EPHB2: variants seen among roughly 807,000 people sequenced by gnomAD.
EPHB2 encodes ephrin type-B receptor 2.
Under a neutral mutation model 96.4 loss-of-function variants are expected in EPHB2, and 18 were observed. The ratio of observed to expected loss-of-function variants is 0.19; its 90% confidence interval spans 0.13 to 0.28. The LOEUF (loss-of-function observed/expected upper bound fraction) is 0.28. Ranked by LOEUF, EPHB2 falls within the 10% of genes least tolerant of loss-of-function variation. EPHB2 has a pLI of 1.00. For missense variants in EPHB2, 989 were observed against 1,355.4 expected, an observed-to-expected ratio of 0.73 and a Z score of 4.25; for synonymous variants, 506 against 534.1, an observed-to-expected ratio of 0.95 and a Z score of 0.72.
intron 1 of EPHB2, among the ~76,000 whole-genome samples, chr1:22,778,887 G>A (rs1644489634): frequency 6.6e-6 from 1 of 152,224 alleles, no homozygotes; most frequent in South Asian, 2.1e-4. Flanking sequence ...GTACGATGAG[G>A]ATGTCAGTTC....
chr1:22,914,062 G>A lies in EPHB2; in HGVS notation c.*492G>A, dbSNP rs1002022322. Reference sequence around the variant, plus strand: ...TCTAGGCCTCACTCAACAACCAAGCGCCTGGAGGACGGGACAGATGGACAG... The same window carrying A: ...TCTAGGCCTCACTCAACAACCAAGCACCTGGAGGACGGGACAGATGGACAG... On this transcript the variant is annotated 3_prime_UTR_variant, in exon 16 of 16. Coordinates refer to ENST00000374630, the MANE Select transcript of EPHB2 (RefSeq NM_017449.5). The A allele has an allele frequency of 4.0e-5, 28 of 702,592 alleles. No individual in the cohort carries two copies. The highest frequency in any genetic ancestry group is 8.8e-5 in the South Asian group (4 of 45,666). The allele number at this position is 702,592 out of a possible 1,614,324, so 43.5% of individuals were successfully genotyped here.
chr1:22,778,853 C>T (rs1644489254), intron 1 of EPHB2, among the ~76,000 whole-genome samples: 2 of 152,260 alleles, frequency 1.3e-5, no homozygotes, highest in Admixed American at 6.5e-5. Flanking sequence ...GCCATTTGCC[C>T]TCCTTGAGCC....
chr1:22,909,292 G>A (rs950856715), intron 13 of EPHB2, 121 bp downstream of exon 13: 37 of 1,501,068 alleles, frequency 2.5e-5, no homozygotes, highest in African/African-American at 6.9e-5. Flanking sequence ...GAGATCATGG[G>A]CCTGGCTCCC....
At chr1:22,743,478 T>C (rs1643928734) in intron 1 of EPHB2, among the ~76,000 whole-genome samples, 1 of 151,946 alleles carries the variant, frequency 6.6e-6, no homozygotes, top group African/African-American at 2.4e-5. Flanking sequence ...ATTTTTTAAT[T>C]TTATGTTTTT....
Position 22,910,407 on chromosome 1 carries a change from A to G in EPHB2, c.2528A>G (p.Tyr843Cys), listed in dbSNP as rs140172215. Residue 843 changes from tyrosine (Y) to cysteine (C), a missense_variant, in exon 14 of 16, where the codon TAT (tyrosine) becomes TGT (cysteine). By Grantham distance (194) the Tyr-to-Cys change is radical. Transcript: ENST00000374630. ...QDVINAIEQD[Y>C]RLPPPMDCPS... ...GTAATCAATGCCATTGAGCAGGACT[A>G]TCGGCTGCCACCGCCCATGGACTGC... The G allele has an allele frequency of 6.2e-7, 1 of 1,614,184 alleles. No homozygotes were observed. The highest frequency in any genetic ancestry group is 8.5e-7 in the Non-Finnish European group (1 of 1,180,012).
intron 3 of EPHB2, among the ~76,000 whole-genome samples, chr1:22,857,525 A>C (rs1373686475): frequency 6.6e-6 from 1 of 151,976 alleles, no homozygotes; most frequent in African/African-American, 2.4e-5. Flanking sequence ...GAGAGCTTAC[A>C]GTAGGATGGT....
chr1:22,891,815 G>T (rs977665960), intron 6 of EPHB2, among the ~76,000 whole-genome samples: 1 of 147,094 alleles, frequency 6.8e-6, no homozygotes, highest in African/African-American at 2.5e-5. Context: ...TATTTTTTTA[G>T]ATAGGGTTTT....
chr1:22,872,074 A>G (rs1557726297), intron 5 of EPHB2, among the ~76,000 whole-genome samples: 1 of 151,862 alleles, frequency 6.6e-6, no homozygotes. Context: ...TGTTGGCAGG[A>G]TGTGTCCTTT....
chr1:22,797,032 T>A (rs1049195371), intron 3 of EPHB2, among the ~76,000 whole-genome samples: 4 of 152,200 alleles, frequency 2.6e-5, no homozygotes, highest in Non-Finnish European at 5.9e-5. Flanking sequence ...CTCATTGGAT[T>A]CTCAAGGACT....
chr1:22,758,109 G>A (rs1056925241), intron 1 of EPHB2, among the ~76,000 whole-genome samples: 2 of 143,608 alleles, frequency 1.4e-5, no homozygotes, highest in East Asian at 4.2e-4. Flanking sequence ...TAGTAGAGAC[G>A]GGGTTTCACC....
At chr1:22,841,596 G>A (rs143470763) in intron 3 of EPHB2, among the ~76,000 whole-genome samples, 125 of 152,284 alleles carry the variant, frequency 8.2e-4, no homozygotes, top group African/African-American at 2.8e-3. Flanking sequence ...AGGCATGCAC[G>A]TGGCCACATT....
In EPHB2 at chr1:22,748,405, G is replaced by A. The variant is rs1405401078; in HGVS notation, c.62-33016G>A. Among the ~76,000 whole-genome samples the A allele has an allele frequency of 2.7e-5, 4 of 148,932 alleles. No homozygotes were observed. The East Asian group carries it at 7.9e-4, about 29-fold the overall frequency. ...TTTTTTTTTTTCTTTTTTTTGAGAT[G>A]GAGTCTTGCTCTGTCGCCCAGGCTG... On this transcript the variant is annotated intron_variant, in intron 1 of 15. Coordinates refer to ENST00000374630, the MANE Select transcript of EPHB2 (RefSeq NM_017449.5).
intron 3 of EPHB2, among the ~76,000 whole-genome samples, chr1:22,787,750 C>A (rs1320377716): frequency 6.6e-6 from 1 of 152,132 alleles, no homozygotes; most frequent in African/African-American, 2.4e-5. Context: ...CTCTAAACAA[C>A]AACAAACATG....
At chr1:22,876,943 C>T (rs1200593172) in intron 5 of EPHB2, among the ~76,000 whole-genome samples, 2 of 152,184 alleles carry the variant, frequency 1.3e-5, no homozygotes, top group African/African-American at 4.8e-5. Flanking sequence ...CCAGCTACGC[C>T]TGCCAGGCCC....
intron 1 of EPHB2, among the ~76,000 whole-genome samples, chr1:22,776,656 T>C (rs1210276105): frequency 6.6e-6 from 1 of 152,234 alleles, no homozygotes; most frequent in Non-Finnish European, 1.5e-5. Flanking sequence ...GCAAGAGATA[T>C]TGGTTTTCCA....
At chr1:22,850,059 G>A (rs1645602688) in intron 3 of EPHB2, among the ~76,000 whole-genome samples, 1 of 152,236 alleles carries the variant, frequency 6.6e-6, no homozygotes, top group Non-Finnish European at 1.5e-5. Context: ...CTTTCTTGGG[G>A]CAGGTGGGAG....
In EPHB2 at chr1:22,906,890, C is replaced by T; in HGVS notation, c.2069C>T (p.Thr690Ile). The change falls in exon 11 of 16, where the codon ACC becomes ATC. Residue 690 changes from threonine (T) to isoleucine (I), a missense_variant. Physicochemically the swap from Thr to Ile is moderately conservative, Grantham distance 89. Transcript: ENST00000374630. The surrounding 1 kb of genome is among the most constrained non-coding windows in gnomAD (Gnocchi z 4.8). ...PNVIHLEGVV[T>I]KSTPVMIITE... The stretch of plus-strand genomic sequence containing the variant: ...GTCATCCACCTGGAGGGTGTCGTGA[C>T]CAAGAGCACACCTGTGATGATCATC... 6.2e-7 allele frequency: 1 copy of T among 1,614,220 alleles called. No homozygotes were observed. Among genetic ancestry groups the T allele is most frequent in the Non-Finnish European group, 8.5e-7 (1 of 1,180,042 alleles).
chr1:22,781,595 C>T (rs1481723449), intron 2 of EPHB2, 110 bp downstream of exon 2: 12 of 1,089,374 alleles, frequency 1.1e-5, no homozygotes, highest in Non-Finnish European at 1.5e-5. Context: ...CTTCAGGACC[C>T]AGAGCCAGGC....
intron 1 of EPHB2, among the ~76,000 whole-genome samples, chr1:22,744,029 T>G (rs1224072298): frequency 6.6e-6 from 1 of 152,184 alleles, no homozygotes; most frequent in Non-Finnish European, 1.5e-5. Context: ...CTAATGGAAC[T>G]CACCCAGTAG....
Sources: gnomAD v4.1 joint callset for allele counts (sites outside exome capture counted in the v4.1 genomes callset) on GRCh38, gnomAD v4.1.1 for gene constraint, Gnocchi (gnomAD v3.1) non-coding constraint, MANE v1.5 for transcripts, NCBI Gene and HGNC (gene_info 2026-07-23, HGNC 2026-07-21) for gene names.